ARL15: variants seen among roughly 807,000 people sequenced by gnomAD.
ARL15 encodes the protein ADP-ribosylation factor-like protein 15.
A neutral mutation model predicts 25.2 loss-of-function variants in ARL15; 19 were observed. That is an observed-to-expected ratio of 0.75 (90% CI 0.53 to 1.10). The LOEUF is 1.10. ARL15 is among the 50% of genes least tolerant of loss of function. ARL15 has a pLI of 0.00. For synonymous variants in ARL15, 94 were observed against 86.8 expected (o/e 1.08, Z -0.46); for missense variants, 220 against 246.0 (o/e 0.89, Z 0.71).
chr5:54,282,577 C>A (rs191651763), intron 1 of ARL15: 1 of 982,056 alleles, frequency 1.0e-6, no homozygotes, highest in Admixed American at 6.2e-5. Context: ...ACAAGAGCAT[C>A]ATTTAAGGAG....
chr5:54,255,022 G>A (rs972453413), intron 1 of ARL15, among the ~76,000 whole-genome samples: 1 of 152,164 alleles, frequency 6.6e-6, no homozygotes, highest in African/African-American at 2.4e-5. Context: ...TAGAGACAAG[G>A]TCTGGAAACA....
intron 4 of ARL15, among the ~76,000 whole-genome samples, chr5:53,967,088 C>T (rs1281849190): frequency 6.6e-6 from 1 of 151,878 alleles, no homozygotes; most frequent in Non-Finnish European, 1.5e-5. Flanking sequence ...ATTATAATCC[C>T]CTTTAAAAAA....
At chr5:54,282,360 A>G (rs1758079948) in intron 1 of ARL15, 1 of 985,452 alleles carries the variant, frequency 1.0e-6, no homozygotes, top group African/African-American at 1.7e-5. Flanking sequence ...AGAGAATAAG[A>G]AATGTTTGTA....
intron 2 of ARL15, among the ~76,000 whole-genome samples, chr5:54,162,932 CA>C (rs1754448207): frequency 6.6e-6 from 1 of 152,124 alleles, no homozygotes; most frequent in Admixed American, 6.6e-5. Flanking sequence ...ATCTCTACCA[CA>C]ATGTTGAATA....
intron 4 of ARL15, among the ~76,000 whole-genome samples, chr5:54,009,231 G>C (rs1749151693): frequency 6.6e-6 from 1 of 152,096 alleles, no homozygotes; most frequent in African/African-American, 2.4e-5. Flanking sequence ...AGTTGCTTTC[G>C]ACTTTTTAAT....
intron 1 of ARL15, among the ~76,000 whole-genome samples, chr5:54,200,844 A>T (rs2112482297): frequency 6.6e-6 from 1 of 152,302 alleles, no homozygotes; most frequent in South Asian, 2.1e-4. Context: ...ACAACTCAAT[A>T]AACTGAACCA....
rs777702141 is a variant in ARL15, at chr5:54,310,548, G to A, written c.-69C>T. On this transcript the variant is annotated 5_prime_UTR_variant, in exon 1 of 5. Coordinates refer to ENST00000504924, the MANE Select transcript of ARL15 (RefSeq NM_019087.3). ...AAAAGCAGCGTCTCTGGCTGCGAGC[G>A]AGCAGCTCCTGAAAAAGCCAGCAAC... 17 of 1,514,676 alleles carry A rather than the reference G, an allele frequency of 1.1e-5. No homozygotes were observed. Among genetic ancestry groups the A allele is most frequent in the Admixed American group, 2.1e-5 (1 of 47,750 alleles). The allele number at this position is 1,514,676 out of a possible 1,614,324, so 93.8% of individuals were successfully genotyped here.
At chr5:54,157,686 C>T (rs890008694) in intron 2 of ARL15, among the ~76,000 whole-genome samples, 1 of 152,180 alleles carries the variant, frequency 6.6e-6, no homozygotes, top group African/African-American at 2.4e-5. Context: ...GCTGGGATTA[C>T]AGGCACGAGC....
At chr5:53,968,266 C>G (rs1036921805) in intron 4 of ARL15, among the ~76,000 whole-genome samples, 1 of 152,142 alleles carries the variant, frequency 6.6e-6, no homozygotes, top group Admixed American at 6.5e-5. Context: ...AACAAGATAG[C>G]AAAACCTGGC....
At chr5:54,043,558 A>T (rs1272543917) in intron 4 of ARL15, among the ~76,000 whole-genome samples, 1 of 152,178 alleles carries the variant, frequency 6.6e-6, no homozygotes, top group East Asian at 1.9e-4. Context: ...AATTTCCTTT[A>T]GGAAGTGATC....
chr5:54,163,368 T>G (rs1754472918), intron 2 of ARL15, among the ~76,000 whole-genome samples: 1 of 59,670 alleles, frequency 1.7e-5, no homozygotes, highest in Non-Finnish European at 4.0e-5. Context: ...TTTTTTTTTT[T>G]TTTTTTTTTT....
chr5:54,269,128 G>A (rs1006875478), intron 1 of ARL15, among the ~76,000 whole-genome samples: 4 of 152,054 alleles, frequency 2.6e-5, no homozygotes, highest in African/African-American at 9.6e-5. Flanking sequence ...GCTAAATGAC[G>A]AGTTAATGGG....
intron 4 of ARL15, among the ~76,000 whole-genome samples, chr5:53,948,691 G>T (rs1746833073): frequency 6.6e-6 from 1 of 152,178 alleles, no homozygotes; most frequent in African/African-American, 2.4e-5. Flanking sequence ...CAGTTTATTT[G>T]ATATATTTTA....
At chr5:53,904,881 C>CCAT (rs1477787121) in intron 4 of ARL15, among the ~76,000 whole-genome samples, 1 of 151,960 alleles carries the variant, frequency 6.6e-6, no homozygotes, top group Non-Finnish European at 1.5e-5. Flanking sequence ...GTGCCTGCCA[C>CCAT]CATGCCCACC....
At chr5:54,086,526 A>G (rs1751970612) in intron 4 of ARL15, among the ~76,000 whole-genome samples, 2 of 152,040 alleles carry the variant, frequency 1.3e-5, no homozygotes, top group Admixed American at 6.6e-5. Flanking sequence ...TTTGTGTTGA[A>G]GAGATTTCTT....
At chr5:54,231,411 T>C (rs903445079) in intron 1 of ARL15, among the ~76,000 whole-genome samples, 1 of 152,206 alleles carries the variant, frequency 6.6e-6, no homozygotes, top group African/African-American at 2.4e-5. Context: ...AACACTCTTA[T>C]CTGCACAGCC....
At chr5:54,259,841 GC>G (rs1431415969) in intron 1 of ARL15, among the ~76,000 whole-genome samples, 1 of 152,090 alleles carries the variant, frequency 6.6e-6, no homozygotes, top group Admixed American at 6.5e-5. Context: ...TTCGTTCCTG[GC>G]CAGCAACTTG....
At chr5:53,992,898 T>C (rs1748551107) in intron 4 of ARL15, among the ~76,000 whole-genome samples, 1 of 152,080 alleles carries the variant, frequency 6.6e-6, no homozygotes, top group African/African-American at 2.4e-5. Flanking sequence ...AATATAAAAT[T>C]AGCTGGGCGT....
Position 53,883,986 on chromosome 5 carries a change from C to T in ARL15, c.*2575G>A, listed in dbSNP as rs271263. ...TTTTTCATTTGAAGATAGTGGAAAT[C>T]GTAGAAATCATGGACAATACAAGTT... On this transcript the variant is annotated 3_prime_UTR_variant, in exon 5 of 5. Transcript: ENST00000504924. 0.096 allele frequency: 14,609 copies of T among 152,106 alleles called. 845 individuals carry two copies. Among genetic ancestry groups the T allele is most frequent in the South Asian group, 0.14 (691 of 4,826 alleles). 9.4% of individuals were successfully genotyped at this position (152,106 alleles called of 1,614,324 possible). A position where few individuals can be genotyped will look rare whatever the true frequency, so the allele number is the denominator to read the frequency against.
Sources: gnomAD v4.1 joint callset for allele counts (sites outside exome capture counted in the v4.1 genomes callset) on GRCh38, gnomAD v4.1.1 for gene constraint, MANE v1.5 for transcripts, NCBI Gene and HGNC (gene_info 2026-07-23, HGNC 2026-07-21) for gene names.